Variants in BICD1 observed in about 807,000 individuals in gnomAD.
BICD1 encodes BICD cargo adaptor 1.
BICD1 carries 35 observed loss-of-function variants against 92.5 expected under a neutral mutation model. That is an observed-to-expected ratio of 0.38 (90% CI 0.29 to 0.50). BICD1 has a LOEUF of 0.50. Among genes scored for constraint, BICD1 ranks in the 20% least tolerant of loss-of-function variants. The pLI is 0.93. For missense variants in BICD1, 950 were observed against 1,189.8 expected, an observed-to-expected ratio of 0.80 and a Z score of 2.97; for synonymous variants, 429 against 465.1, an observed-to-expected ratio of 0.92 and a Z score of 1.00.
intron 1 of BICD1, among the ~76,000 whole-genome samples, chr12:32,115,084 T>G (rs1178033925): frequency 6.6e-6 from 1 of 152,128 alleles, no homozygotes; most frequent in East Asian, 1.9e-4. Flanking sequence ...CTTGAACTCC[T>G]GGCCTCAAGC....
At chr12:32,222,238 A>G (rs112138706) in intron 2 of BICD1, among the ~76,000 whole-genome samples, 15 of 152,352 alleles carry the variant, frequency 9.8e-5, no homozygotes, top group South Asian at 4.1e-4. Flanking sequence ...CTTCAGGTGG[A>G]ATGCAGAAGA....
chr12:32,341,903 G>GCT (rs1183893005), intron 8 of BICD1, among the ~76,000 whole-genome samples: 1 of 151,646 alleles, frequency 6.6e-6, no homozygotes, highest in Non-Finnish European at 1.5e-5. Context: ...TTTTCAATAA[G>GCT]CCAAGAAAGA....
intron 1 of BICD1, among the ~76,000 whole-genome samples, chr12:32,173,022 C>T (rs1038064537): frequency 9.2e-5 from 14 of 151,964 alleles, no homozygotes; most frequent in South Asian, 2.1e-4. Context: ...CCCGGAGTCC[C>T]GCCCTGTTCA....
intron 9 of BICD1, among the ~76,000 whole-genome samples, chr12:32,373,591 G>T (rs1939817517): frequency 1.3e-5 from 2 of 152,102 alleles, no homozygotes; most frequent in Admixed American, 1.3e-4. Context: ...AGAGTATTGG[G>T]GCCAGGTGCA....
At position 32,256,811 on chromosome 12, in the gene BICD1, C is replaced by T. The variant is rs553352702; in HGVS notation, c.427-37183C>T. ...AAATAAACACTGACATGAACAGATT[C>T]TCATTCAATGTTAGTTTGATTTTAT... is the stretch of plus-strand genomic sequence containing the variant. On this transcript the variant is annotated intron_variant, in intron 2 of 9. Transcript: ENST00000652176. Among the ~76,000 whole-genome samples, 4 of 152,298 alleles carry T rather than the reference C, an allele frequency of 2.6e-5. No homozygotes were observed. The East Asian group carries it at 7.7e-4, about 29-fold the overall frequency.
intron 1 of BICD1, among the ~76,000 whole-genome samples, chr12:32,147,470 T>A (rs1463141888): frequency 6.7e-6 from 1 of 149,340 alleles, no homozygotes; most frequent in Non-Finnish European, 1.5e-5. Flanking sequence ...CTTCTTCTTG[T>A]TAGTTACGAT....
At chr12:32,323,723 T>C (rs552262844) in intron 4 of BICD1, among the ~76,000 whole-genome samples, 6 of 152,368 alleles carry the variant, frequency 3.9e-5, no homozygotes, top group African/African-American at 1.2e-4. Flanking sequence ...TCTTAGGTTC[T>C]AATATATGTG....
At chr12:32,133,761 A>C (rs1189372667) in intron 1 of BICD1, among the ~76,000 whole-genome samples, 2 of 150,302 alleles carry the variant, frequency 1.3e-5, no homozygotes, top group Non-Finnish European at 3.0e-5. Flanking sequence ...AACTTTATCC[A>C]GTTTCTGAAA....
In BICD1 at chr12:32,339,040, T is replaced by G. The variant is rs575133254; in HGVS notation, c.2764+61T>G. On this transcript the variant is annotated intron_variant, in intron 8 of 9. Transcript: ENST00000652176. ...TGATTAGTTGAATAGACTCTCCCCT[T>G]CCTTCCGGTCACTCAGGCTCACCCA... The G allele has an allele frequency of 6.1e-6, 9 of 1,471,860 alleles. No individual in the cohort carries two copies. In the South Asian group the frequency reaches 7.2e-5, roughly 12 times the overall value. 91.2% of individuals were successfully genotyped at this position (1,471,860 alleles called of 1,614,324 possible). A position where few individuals can be genotyped will look rare whatever the true frequency, so the allele number is the denominator to read the frequency against.
At chr12:32,353,150 T>C (rs771119297) in intron 8 of BICD1, 1 of 152,216 alleles carries the variant, frequency 6.6e-6, no homozygotes, top group Non-Finnish European at 1.5e-5. Flanking sequence ...TTAGTAGATT[T>C]GTTCCTGAGT....
chr12:32,123,362 A>T (rs1158240999), intron 1 of BICD1, among the ~76,000 whole-genome samples: 3 of 152,352 alleles, frequency 2.0e-5, no homozygotes, highest in South Asian at 2.1e-4. Context: ...AGCTTTGAGC[A>T]GAAAAGTCAC....
At chr12:32,127,793 G>A (rs1942394813) in intron 1 of BICD1, among the ~76,000 whole-genome samples, 1 of 152,100 alleles carries the variant, frequency 6.6e-6, no homozygotes, top group Admixed American at 6.5e-5. Context: ...GTCTAGTTGT[G>A]GTTGTCTTAG....
chr12:32,136,580 T>C (rs950751566), intron 1 of BICD1, among the ~76,000 whole-genome samples: 3 of 151,920 alleles, frequency 2.0e-5, no homozygotes, highest in African/African-American at 4.8e-5. Context: ...ACAAACATAA[T>C]TGGAAGGAAG....
At chr12:32,302,880 A>ATT (rs371035402) in intron 3 of BICD1, among the ~76,000 whole-genome samples, 5,209 of 109,838 alleles carry the variant, frequency 0.047, 466 homozygotes, top group African/African-American at 0.16. Context: ...TCCAATGACC[A>ATT]TTTTTTTTTT....
At chr12:32,216,204 T>C (rs761756048) in intron 1 of BICD1, 43 bp from the exon 2 acceptor site, 1 of 1,582,074 alleles carries the variant, frequency 6.3e-7, no homozygotes, top group South Asian at 1.1e-5. Flanking sequence ...AGGGTTATGA[T>C]GCATTTCATT....
intron 1 of BICD1, among the ~76,000 whole-genome samples, chr12:32,212,448 A>G: frequency 6.6e-6 from 1 of 152,130 alleles, no homozygotes; most frequent in Non-Finnish European, 1.5e-5. Flanking sequence ...TTTTTGAGAC[A>G]GAGTCTTGCT....
Position 32,379,229 on chromosome 12 carries a change from G to T in BICD1, c.*1602G>T, listed in dbSNP as rs1014993449. Reference sequence around the variant, plus strand: ...CACTCAGCTTATTGAGCGGACATGGGTGGCACAGAAATGGAGTGGTCCATC... The same window carrying T: ...CACTCAGCTTATTGAGCGGACATGGTTGGCACAGAAATGGAGTGGTCCATC... On this transcript the variant is annotated 3_prime_UTR_variant, in exon 10 of 10. Coordinates refer to ENST00000652176, the MANE Select transcript of BICD1 (RefSeq NM_001714.4). The T allele has an allele frequency of 6.6e-6, 1 of 152,246 alleles. No individual in the cohort carries two copies. Among genetic ancestry groups the T allele is most frequent in the Non-Finnish European group, 1.5e-5 (1 of 68,086 alleles). The allele number at this position is 152,246 out of a possible 1,614,324, so 9.4% of individuals were successfully genotyped here.
intron 8 of BICD1, chr12:32,339,683 A>T: frequency 1.0e-6 from 1 of 985,454 alleles, no homozygotes; most frequent in Non-Finnish European, 1.2e-6. Context: ...TGCAAATAAA[A>T]ATCATCCTTT....
rs757401194 is a variant in BICD1, at chr12:32,216,391, CG to C, written c.361del (p.Ala121LeufsTer20). ...GATGCAGAACGAGCTGAAACAGAGCCGGGCTGTGGTCACTAATGTACAGGCA... is the reference window on the plus strand; with the variant it reads ...GATGCAGAACGAGCTGAAACAGAGCCGGCTGTGGTCACTAATGTACAGGCA... ...LEMQNELKQS[R>X]AVVTNVQAEN... On this transcript the variant is annotated frameshift_variant, in exon 2 of 10. Transcript: ENST00000652176. LOFTEE classifies it high-confidence loss of function. 1 of 1,614,074 alleles carries C rather than the reference CG, an allele frequency of 6.2e-7. No individual in the cohort carries two copies. The highest frequency in any genetic ancestry group is 1.1e-5 in the South Asian group (1 of 91,074).
Sources: gnomAD v4.1 joint callset for allele counts (sites outside exome capture counted in the v4.1 genomes callset) on GRCh38, gnomAD v4.1.1 for gene constraint, MANE v1.5 for transcripts, NCBI Gene and HGNC (gene_info 2026-07-23, HGNC 2026-07-21) for gene names.